The following SERGEF variants were observed in gnomAD, a reference collection of about 807,000 sequenced individuals.
SERGEF encodes secretion regulating guanine nucleotide exchange factor, also known as secretion-regulating guanine nucleotide exchange factor.
A neutral mutation model predicts 50.0 loss-of-function variants in SERGEF; 51 were observed. The ratio of observed to expected loss-of-function variants is 1.02; its 90% CI spans 0.81 to 1.29. The LOEUF (loss-of-function observed/expected upper bound fraction) is 1.29, where lower values mean the gene tolerates loss of function less well. Ranked by LOEUF, SERGEF falls within the 50% of genes most tolerant of loss-of-function variation. SERGEF has a pLI of 0.00. For missense variants in SERGEF, 521 were observed against 557.0 expected (o/e 0.94, Z 0.65); for synonymous variants, 205 against 212.4 (o/e 0.97, Z 0.30).
intron 9 of SERGEF, among the ~76,000 whole-genome samples, chr11:17,920,726 C>G (rs538813410): frequency 6.6e-6 from 1 of 152,294 alleles, no homozygotes; most frequent in Admixed American, 6.5e-5. Flanking sequence ...GCAACCATTC[C>G]CACAAGACAG....
At chr11:17,913,366 C>A (rs1485274925) in intron 9 of SERGEF, among the ~76,000 whole-genome samples, 1 of 152,212 alleles carries the variant, frequency 6.6e-6, no homozygotes, top group Non-Finnish European at 1.5e-5. Flanking sequence ...TAGAAATACA[C>A]CCTTGGGCCC....
intron 8 of SERGEF, among the ~76,000 whole-genome samples, chr11:17,968,709 TA>T (rs35149608): frequency 1.2e-3 from 179 of 143,574 alleles, no homozygotes; most frequent in Middle Eastern, 3.6e-3. Flanking sequence ...GTCTCTAATT[TA>T]AAAAAAAAAA....
intron 9 of SERGEF, among the ~76,000 whole-genome samples, chr11:17,907,652 G>C (rs1851874736): frequency 1.3e-5 from 2 of 152,216 alleles, no homozygotes; most frequent in Non-Finnish European, 2.9e-5. Context: ...CAGGCAGAGG[G>C]GGAATGAGGG....
chr11:17,902,185 G>A (rs900312741), intron 9 of SERGEF, among the ~76,000 whole-genome samples: 1 of 94,982 alleles, frequency 1.1e-5, no homozygotes, highest in East Asian at 2.1e-4. Context: ...CAGCAGACAG[G>A]AGTAGTCCAC....
chr11:17,944,896 G>A (rs1261352570), intron 9 of SERGEF, among the ~76,000 whole-genome samples: 2 of 152,146 alleles, frequency 1.3e-5, no homozygotes, highest in African/African-American at 2.4e-5. Flanking sequence ...GTACAGAAAA[G>A]TATAAAATGA....
At chr11:17,930,397 A>T (rs187180354) in intron 9 of SERGEF, among the ~76,000 whole-genome samples, 25 of 152,304 alleles carry the variant, frequency 1.6e-4, no homozygotes, top group Admixed American at 1.6e-3. Flanking sequence ...AGCATCCCAG[A>T]TGACATCTTA....
intron 10 of SERGEF, among the ~76,000 whole-genome samples, chr11:17,789,907 C>T (rs1849452139): frequency 6.6e-6 from 1 of 152,182 alleles, no homozygotes; most frequent in Non-Finnish European, 1.5e-5. Context: ...ACCACCTGAA[C>T]CTAGGAGGCA....
At chr11:17,907,727 C>T (rs1039652402) in intron 9 of SERGEF, among the ~76,000 whole-genome samples, 1 of 152,114 alleles carries the variant, frequency 6.6e-6, no homozygotes, top group Non-Finnish European at 1.5e-5. Flanking sequence ...ATAACCTGGA[C>T]ATTAGTCAGA....
chr11:17,912,876 C>T (rs918863502), intron 9 of SERGEF, among the ~76,000 whole-genome samples: 1 of 152,296 alleles, frequency 6.6e-6, no homozygotes, highest in East Asian at 1.9e-4. Flanking sequence ...GCTACTTTAC[C>T]CTATCCTAGC....
intron 5 of SERGEF, among the ~76,000 whole-genome samples, chr11:17,998,027 G>A (rs184684213): frequency 2.6e-5 from 4 of 152,044 alleles, no homozygotes; most frequent in South Asian, 2.1e-4. Context: ...TGTAAACTAC[G>A]TATATTTTAC....
intron 10 of SERGEF, among the ~76,000 whole-genome samples, chr11:17,857,920 C>A (rs1191346902): frequency 6.6e-6 from 1 of 152,038 alleles, no homozygotes; most frequent in East Asian, 1.9e-4. Flanking sequence ...ATGAATCCAC[C>A]AAGAAAAGAG....
intron 9 of SERGEF, among the ~76,000 whole-genome samples, chr11:17,937,115 T>C (rs1852465238): frequency 1.3e-5 from 2 of 152,024 alleles, no homozygotes; most frequent in Non-Finnish European, 2.9e-5. Flanking sequence ...TACTTTATAA[T>C]ATTTAATAAT....
intron 10 of SERGEF, among the ~76,000 whole-genome samples, chr11:17,802,112 AC>A (rs992902098): frequency 1.9e-4 from 29 of 152,110 alleles, no homozygotes; most frequent in African/African-American, 6.8e-4. Context: ...GCGCTGGGAA[AC>A]CCAGGCACAG....
intron 9 of SERGEF, among the ~76,000 whole-genome samples, chr11:17,894,921 A>T (rs1590182196): frequency 6.6e-6 from 1 of 152,222 alleles, no homozygotes; most frequent in South Asian, 2.1e-4. Flanking sequence ...CCTAGGGAAA[A>T]GTTCCCTGGG....
chr11:17,873,430 T>C (rs943234012), intron 10 of SERGEF, among the ~76,000 whole-genome samples: 1 of 152,142 alleles, frequency 6.6e-6, no homozygotes, highest in Non-Finnish European at 1.5e-5. Flanking sequence ...GCCCTAGGGT[T>C]TGGAGATATC....
chr11:17,793,117 C>G (rs1565168612), intron 10 of SERGEF, among the ~76,000 whole-genome samples: 1 of 152,114 alleles, frequency 6.6e-6, no homozygotes, highest in African/African-American at 2.4e-5. Context: ...GGAGCAATGC[C>G]CCAGCACCAT....
intron 10 of SERGEF, among the ~76,000 whole-genome samples, chr11:17,798,318 C>A (rs988734794): frequency 1.3e-5 from 2 of 152,256 alleles, no homozygotes; most frequent in African/African-American, 4.8e-5. Context: ...CCTCCCCGCT[C>A]CTCTCAACCA....
intron 1 of SERGEF, 129 bp downstream of exon 1, chr11:18,012,822 G>T (rs1854226951): frequency 6.7e-7 from 1 of 1,501,472 alleles, no homozygotes; most frequent in Non-Finnish European, 8.9e-7. Context: ...CCCAGCCCAG[G>T]ATCCTTCAAC....
At chr11:17,807,598 C>T (rs1054193353) in intron 10 of SERGEF, among the ~76,000 whole-genome samples, 1 of 152,236 alleles carries the variant, frequency 6.6e-6, no homozygotes, top group Non-Finnish European at 1.5e-5. Context: ...TTGTTTGATG[C>T]CGCCAACCAG....
Sources: gnomAD v4.1 joint callset for allele counts (sites outside exome capture counted in the v4.1 genomes callset) on GRCh38, gnomAD v4.1.1 for gene constraint, MANE v1.5 for transcripts, NCBI Gene and HGNC (gene_info 2026-07-23, HGNC 2026-07-21) for gene names.